CAPNS1: variants seen among roughly 807,000 people sequenced by gnomAD.
CAPNS1 encodes calpain small subunit 1, also known as CANP small subunit.
In CAPNS1, 32 loss-of-function variants were observed where a neutral mutation model predicts 39.2. That is an observed-to-expected ratio of 0.82 (90% confidence interval 0.62 to 1.10). The LOEUF is 1.10. Among genes scored for constraint, CAPNS1 ranks in the 50% least tolerant of loss-of-function variants. The probability of loss-of-function intolerance (pLI) is 0.00; values close to 1 mark genes in which losing one functional copy is unlikely to be tolerated. For missense variants in CAPNS1, 353 were observed against 373.1 expected (o/e 0.95, Z 0.44); for synonymous variants, 153 against 136.2 (o/e 1.12, Z -0.86).
At position 36,141,238 on chromosome 19, in the gene CAPNS1, A is replaced by G; in HGVS notation, c.209+18A>G. The G allele has an allele frequency of 1.4e-5, 21 of 1,515,004 alleles. No homozygotes were observed. Among genetic ancestry groups the G allele is most frequent in the Admixed American group, 2.4e-5 (1 of 42,338 alleles). The allele number at this position is 1,515,004 out of a possible 1,614,324, so 93.8% of individuals were successfully genotyped here. A position where few individuals can be genotyped will look rare whatever the true frequency, so the allele number is the denominator to read the frequency against. On this transcript the variant is annotated intron_variant, in intron 2 of 10. Transcript: ENST00000246533. The stretch of plus-strand genomic sequence containing the variant: ...GCCATCAGGTAAGGCGGAGACTATC[A>G]GAGGGGCGGGGCCTGGGAATGGGAG...
intron 6 of CAPNS1, among the ~76,000 whole-genome samples, chr19:36,143,817 C>G (rs1270821600): frequency 3.4e-5 from 5 of 146,908 alleles, no homozygotes; most frequent in Admixed American, 1.4e-4. Context: ...GAGCCGAGAT[C>G]GCGCCACTGC....
rs565682402 is a variant in CAPNS1 at position 36,149,357 on chromosome 19, C to T, written c.722-221C>T. ...TTGGGATTATAGGTGTGAGCCACCACGCCCAGCCTGTGCCTCATTTTAAAA... is the reference window on the plus strand; with the variant it reads ...TTGGGATTATAGGTGTGAGCCACCATGCCCAGCCTGTGCCTCATTTTAAAA... On this transcript the variant is annotated intron_variant, in intron 9 of 10. Transcript: ENST00000246533. Among the ~76,000 whole-genome samples, 17 of 152,266 alleles carry T rather than the reference C, an allele frequency of 1.1e-4. No homozygotes were observed. The East Asian group carries it at 1.3e-3, about 12-fold the overall frequency.
At chr19:36,141,342 A>G (rs1052914399) in intron 2 of CAPNS1, 122 bp downstream of exon 2, 39 of 1,379,684 alleles carry the variant, frequency 2.8e-5, no homozygotes, top group Non-Finnish European at 3.2e-5. Context: ...ACCTGGGTAC[A>G]TGAATTAGGC....
chr19:36,146,465 T>A lies in CAPNS1; in HGVS notation c.721+153T>A, dbSNP rs17878466. 3.2e-3 allele frequency among the ~76,000 whole-genome samples: 494 copies of A among 152,318 alleles called. No homozygotes were observed. The highest frequency in any genetic ancestry group is 5.7e-3 in the Non-Finnish European group (390 of 68,032). On this transcript the variant is annotated intron_variant, in intron 9 of 10. Coordinates refer to ENST00000246533, the MANE Select transcript of CAPNS1 (RefSeq NM_001749.4). ...TTCTGCCCTCATGGAGCTCACAGTC[T>A]GGTGGAGGAGACACAAGTCCCCAGA...
At chr19:36,147,624 G>A (rs1405759208) in intron 9 of CAPNS1, among the ~76,000 whole-genome samples, 1 of 152,206 alleles carries the variant, frequency 6.6e-6, no homozygotes. Context: ...AAATTAGCCA[G>A]GTGTGGTGGC....
chr19:36,149,800 C>G lies in CAPNS1; in HGVS notation c.781-13C>G, dbSNP rs1257954181. On this transcript the variant is annotated splice_polypyrimidine_tract_variant and intron_variant, in intron 10 of 10. Transcript: ENST00000246533. ...GGGTTCCCTGTCCTCACTCTCCACC[C>G]TCCTCTCCCCAGTGGCTGCAGCTGA... 2 of 1,526,286 alleles carry G rather than the reference C, an allele frequency of 1.3e-6. No homozygotes were observed. Among genetic ancestry groups the G allele is most frequent in the Admixed American group, 4.1e-5 (2 of 48,300 alleles). 94.5% of individuals were successfully genotyped at this position (1,526,286 alleles called of 1,614,324 possible).
rs11084845 is a variant in CAPNS1 at position 36,141,158 on chromosome 19, T to A, written c.147T>A (p.Gly49=). ...GCGGCGGCGGCGGCGGCGGCGGTGG[T>A]GGAGGCGGCGGTGGCGGTGGAACGG... is the stretch of plus-strand genomic sequence containing the variant. The part of the protein sequence containing the change: ...GGGGGGGGGG[G]GGGGGGGTAM... Residue 49 remains glycine, a synonymous_variant, in exon 2 of 11, where the codon GGT becomes GGA. Coordinates refer to ENST00000246533, the MANE Select transcript of CAPNS1 (RefSeq NM_001749.4). 0.089 allele frequency: 123,427 copies of A among 1,394,648 alleles called. 6,302 individuals carry two copies. The highest frequency in any genetic ancestry group is 0.22 in the Admixed American group (5,699 of 26,384). The allele number at this position is 1,394,648 out of a possible 1,614,324, so 86.4% of individuals were successfully genotyped here.
Position 36,141,119 on chromosome 19 carries a change from C to CGGG in CAPNS1, c.111_113dup (p.Gly56dup), listed in dbSNP as rs763416551. ...TGCTTGGAGGCCTGATCAGCGGGGCCGGGGGCGGCGGCGGCGGCGGCGGCG... is the reference window on the plus strand; with the variant it reads ...TGCTTGGAGGCCTGATCAGCGGGGCCGGGGGGGGCGGCGGCGGCGGCGGCGGCG... On this transcript the variant is annotated inframe_insertion, in exon 2 of 11. Coordinates refer to ENST00000246533, the MANE Select transcript of CAPNS1 (RefSeq NM_001749.4). 3.4e-5 allele frequency: 47 copies of CGGG among 1,365,096 alleles called. No homozygotes were observed. In the African/African-American group the frequency reaches 3.9e-4, roughly 11 times the overall value. 84.6% of individuals were successfully genotyped at this position (1,365,096 alleles called of 1,614,324 possible). A position where few individuals can be genotyped will look rare whatever the true frequency, so the allele number is the denominator to read the frequency against.
At chr19:36,146,373 TCTC>T (rs1328093016) in intron 9 of CAPNS1, 61 bp downstream of exon 9, 2 of 1,083,134 alleles carry the variant, frequency 1.8e-6, no homozygotes, top group African/African-American at 3.1e-5. Context: ...TGGACCAAGG[TCTC>T]CTCTAAGCCT....
Position 36,145,808 on chromosome 19 carries a change from C to A in CAPNS1, c.459C>A (p.Ser153Arg). Reference protein sequence around the residue: ...TCRSMVAVMDSDTTGKLGFEE... With the variant: ...TCRSMVAVMDRDTTGKLGFEE... ...TCTTCTTAACACCCTCCCACCAGAG[C>A]GACACCACAGGCAAGCTGGGCTTTG... The change falls in exon 7 of 11, where the codon AGC (serine) becomes AGA (arginine). Residue 153 changes from serine to arginine, a missense_variant and splice_region_variant. Coordinates refer to ENST00000246533, the MANE Select transcript of CAPNS1 (RefSeq NM_001749.4). 2 of 1,613,840 alleles carry A rather than the reference C, an allele frequency of 1.2e-6. No homozygotes were observed. Among genetic ancestry groups the A allele is most frequent in the Non-Finnish European group, 1.7e-6 (2 of 1,179,784 alleles).
chr19:36,141,546 C>T (rs1974375555), intron 2 of CAPNS1: 2 of 1,177,862 alleles, frequency 1.7e-6, no homozygotes, highest in South Asian at 3.7e-5. Context: ...ATTGGCTAAC[C>T]TGGAGATGAA....
At chr19:36,145,638 G>A in intron 6 of CAPNS1, 168 bp from the exon 7 acceptor site, 2 of 595,624 alleles carry the variant, frequency 3.4e-6, no homozygotes, top group Non-Finnish European at 3.1e-6. Context: ...CAATATGTAT[G>A]GATAAAATGA....
intron 2 of CAPNS1, chr19:36,141,491 G>A (rs1208181751): frequency 8.0e-7 from 1 of 1,245,504 alleles, no homozygotes; most frequent in Non-Finnish European, 1.0e-6. Flanking sequence ...GGGGACTGAT[G>A]TGGAGTTTTG....
At chr19:36,144,997 A>G (rs1974512854) in intron 6 of CAPNS1, among the ~76,000 whole-genome samples, 2 of 152,144 alleles carry the variant, frequency 1.3e-5, no homozygotes, top group South Asian at 4.1e-4. Flanking sequence ...GTCCTGGTAG[A>G]ACTGGTGTCC....
chr19:36,144,922 C>T (rs1217103525), intron 6 of CAPNS1, among the ~76,000 whole-genome samples: 1 of 152,212 alleles, frequency 6.6e-6, no homozygotes, highest in African/African-American at 2.4e-5. Context: ...GGTCTGTACA[C>T]ATTAGCTCTT....
intron 6 of CAPNS1, among the ~76,000 whole-genome samples, chr19:36,143,474 C>T (rs1974451888): frequency 6.6e-6 from 1 of 152,102 alleles, no homozygotes; most frequent in Non-Finnish European, 1.5e-5. Context: ...TGCCTGTAAT[C>T]CCAACACTTT....
At chr19:36,143,469 G>A (rs1974451699) in intron 6 of CAPNS1, among the ~76,000 whole-genome samples, 1 of 152,118 alleles carries the variant, frequency 6.6e-6, no homozygotes, top group African/African-American at 2.4e-5. Flanking sequence ...GCTCATGCCT[G>A]TAATCCCAAC....
In CAPNS1 at chr19:36,146,274, A is replaced by G. The variant is rs1360956021; in HGVS notation, c.683A>G (p.Asn228Ser). Residue 228 changes from asparagine to serine, a missense_variant, in exon 9 of 11, where the codon AAC (asparagine) becomes AGC (serine). Coordinates refer to ENST00000246533, the MANE Select transcript of CAPNS1 (RefSeq NM_001749.4). ...GAAAGTGGGAACATGGATTTTGACA[A>G]CTTCATCAGCTGCTTGGTCAGGCTG... The part of the protein sequence containing the change: ...SDESGNMDFD[N>S]FISCLVRLDA... 1.2e-6 allele frequency: 2 copies of G among 1,613,832 alleles called. No homozygotes were observed. The highest frequency in any genetic ancestry group is 2.7e-5 in the African/African-American group (2 of 74,926).
In CAPNS1 at chr19:36,149,989, T is replaced by A; in HGVS notation, c.*150T>A. ...GTTCTCTCAGTACTTGTTACCCAGC[T>A]TCTCAACATCCAGGGCCCAATTTGC... On this transcript the variant is annotated 3_prime_UTR_variant, in exon 11 of 11. Coordinates refer to ENST00000246533, the MANE Select transcript of CAPNS1 (RefSeq NM_001749.4). 1.4e-6 allele frequency: 1 copy of A among 703,190 alleles called. No homozygotes were observed. Among genetic ancestry groups the A allele is most frequent in the Non-Finnish European group, 2.1e-6 (1 of 483,100 alleles). 43.6% of individuals were successfully genotyped at this position (703,190 alleles called of 1,614,324 possible).
Sources: allele counts gnomAD v4.1 joint callset (sites outside exome capture counted in the v4.1 genomes callset), GRCh38; gene constraint gnomAD v4.1.1; transcripts MANE v1.5; gene names NCBI Gene and HGNC (gene_info 2026-07-23, HGNC 2026-07-21).